Variants in PUS7 observed in about 807,000 individuals in gnomAD.
PUS7 encodes the protein pseudouridine synthase 7.
In PUS7, 48 loss-of-function variants were observed where a neutral mutation model predicts 79.8. That is an observed-to-expected ratio of 0.60 (90% CI 0.48 to 0.76). PUS7 has a LOEUF of 0.76. Among genes scored for constraint, PUS7 ranks in the 30% least tolerant of loss-of-function variants. PUS7 has a pLI of 0.00. For missense variants in PUS7, 729 were observed against 797.6 expected (o/e 0.91, Z 1.04); for synonymous variants, 286 against 272.2 (o/e 1.05, Z -0.50).
chr7:105,507,724 T>C (rs1274134089), intron 2 of PUS7, among the ~76,000 whole-genome samples: 1 of 151,772 alleles, frequency 6.6e-6, no homozygotes, highest in Non-Finnish European at 1.5e-5. Flanking sequence ...GTATTTTTAG[T>C]ATAGATGTGC....
intron 14 of PUS7, among the ~76,000 whole-genome samples, chr7:105,459,797 G>A (rs1047353342): frequency 2.0e-5 from 3 of 152,068 alleles, no homozygotes; most frequent in Non-Finnish European, 2.9e-5. Flanking sequence ...CTGGGGCCAG[G>A]CATGGTGGCT....
chr7:105,496,196 CATATATATATATATAT>C (rs1159713098), intron 5 of PUS7, among the ~76,000 whole-genome samples: 1 of 81,554 alleles, frequency 1.2e-5, no homozygotes, highest in African/African-American at 4.8e-5. Flanking sequence ...CACACACACA[CATATATATATATATAT>C]ATATATATAT....
chr7:105,475,062 G>A (rs1824033090), intron 9 of PUS7, among the ~76,000 whole-genome samples: 1 of 152,160 alleles, frequency 6.6e-6, no homozygotes, highest in Admixed American at 6.5e-5. Flanking sequence ...TTAACTGCAG[G>A]ACTTTTCAAC....
intron 14 of PUS7, among the ~76,000 whole-genome samples, chr7:105,461,201 G>A (rs948044770): frequency 3.3e-5 from 5 of 152,146 alleles, no homozygotes; most frequent in Admixed American, 6.5e-5. Context: ...CAACCAGAGC[G>A]GTGTTTGGAA....
In PUS7 at chr7:105,491,527, G is replaced by C. The variant is rs1452442342; in HGVS notation, c.920+13C>G. 6.6e-7 allele frequency: 1 copy of C among 1,525,948 alleles called. No homozygotes were observed. The highest frequency in any genetic ancestry group is 9.0e-7 in the Non-Finnish European group (1 of 1,106,612). 94.5% of individuals were successfully genotyped at this position (1,525,948 alleles called of 1,614,324 possible). On this transcript the variant is annotated intron_variant, in intron 7 of 15. Coordinates refer to ENST00000469408, the MANE Select transcript of PUS7 (RefSeq NM_019042.5). ...ATTTACAGTATAAATCCTGTTACGT[G>C]CTCTCTACTTACTTGAGAACAGCAA...
At chr7:105,510,090 C>T (rs1036024836) in intron 1 of PUS7, among the ~76,000 whole-genome samples, 7 of 152,192 alleles carry the variant, frequency 4.6e-5, no homozygotes, top group African/African-American at 1.4e-4. Context: ...CACCTGAGGT[C>T]GGGAGTTTGA....
At chr7:105,478,375 C>T (rs962862064) in intron 9 of PUS7, among the ~76,000 whole-genome samples, 1 of 152,080 alleles carries the variant, frequency 6.6e-6, no homozygotes, top group African/African-American at 2.4e-5. Flanking sequence ...ACTTTATAAC[C>T]TTTTGAGGAA....
intron 5 of PUS7, 51 bp from the exon 6 acceptor site, chr7:105,495,304 T>C (rs1420156769): frequency 3.8e-6 from 4 of 1,056,370 alleles, no homozygotes; most frequent in Non-Finnish European, 4.3e-6. Flanking sequence ...AAGTTATAGA[T>C]GTAAGAGCTC....
intron 7 of PUS7, among the ~76,000 whole-genome samples, chr7:105,485,270 C>T (rs1451236530): frequency 6.6e-6 from 1 of 152,208 alleles, no homozygotes; most frequent in African/African-American, 2.4e-5. Context: ...AGCGCAATGG[C>T]GCGATCTTGG....
chr7:105,492,566 C>T (rs1355370861), intron 6 of PUS7, among the ~76,000 whole-genome samples: 1 of 134,288 alleles, frequency 7.4e-6, no homozygotes, highest in African/African-American at 2.9e-5. Context: ...AGTGCAGTGG[C>T]GGGATCTCGG....
At chr7:105,499,430 G>A (rs548257043) in intron 5 of PUS7, among the ~76,000 whole-genome samples, 25 of 152,094 alleles carry the variant, frequency 1.6e-4, no homozygotes, top group African/African-American at 5.5e-4. Context: ...CCTATCACAT[G>A]GCAGAATTTT....
intron 5 of PUS7, among the ~76,000 whole-genome samples, chr7:105,496,194 C>CATATATATAT (rs1301915171): frequency 2.2e-5 from 2 of 91,596 alleles, no homozygotes; most frequent in Non-Finnish European, 2.0e-5. Context: ...TACACACACA[C>CATATATATAT]ACATATATAT....
intron 1 of PUS7, among the ~76,000 whole-genome samples, chr7:105,513,232 G>A (rs1344264903): frequency 6.6e-6 from 1 of 152,198 alleles, no homozygotes; most frequent in Non-Finnish European, 1.5e-5. Context: ...AGATCCTGAT[G>A]CCCTTCCAGA....
At position 105,508,952 on chromosome 7, in the gene PUS7, G is replaced by A. The variant is rs147829208; in HGVS notation, c.-32-408C>T. Among the ~76,000 whole-genome samples, 1,252 of 149,230 alleles carry A rather than the reference G, an allele frequency of 8.4e-3. 13 individuals carry two copies. The highest frequency in any genetic ancestry group is 0.03 in the African/African-American group (1,211 of 40,442). On this transcript the variant is annotated intron_variant, in intron 1 of 15. Transcript: ENST00000469408. ...TCCCAGCACTTTGGGAGGCCGAGGT[G>A]GGCGGATCACAAGGTCAGGGGTTCG...
intron 9 of PUS7, among the ~76,000 whole-genome samples, chr7:105,475,880 A>G (rs1400438889): frequency 6.6e-6 from 1 of 152,054 alleles, no homozygotes; most frequent in East Asian, 1.9e-4. Context: ...GTAAGACACC[A>G]TTCTACTTTC....
intron 1 of PUS7, among the ~76,000 whole-genome samples, chr7:105,510,848 A>C (rs367770511): frequency 1.3e-5 from 2 of 152,114 alleles, no homozygotes; most frequent in East Asian, 3.9e-4. Flanking sequence ...AAGGATAAAA[A>C]CTTTTTCTAT....
In PUS7 at chr7:105,465,326, G is replaced by A. The variant is rs2133052136; in HGVS notation, c.1614C>T (p.Tyr538=). ...CAGGGAACTTACTTTTATGCTTTGG[G>A]TAGATAACATCGAAACCAGGCAAGG... is the stretch of plus-strand genomic sequence containing the variant. ...VMPLPGFDVI[Y]PKHKIQEAYR... The change falls in exon 13 of 16, where the codon TAC becomes TAT. Residue 538 remains tyrosine, a synonymous_variant. Coordinates refer to ENST00000469408, the MANE Select transcript of PUS7 (RefSeq NM_019042.5). 1 of 1,608,958 alleles carries A rather than the reference G, an allele frequency of 6.2e-7. No individual in the cohort carries two copies. The highest frequency in any genetic ancestry group is 8.5e-7 in the Non-Finnish European group (1 of 1,175,630).
chr7:105,492,665 C>T (rs1824842518), intron 6 of PUS7, among the ~76,000 whole-genome samples: 1 of 151,566 alleles, frequency 6.6e-6, no homozygotes, highest in Admixed American at 6.6e-5. Flanking sequence ...GCCACTACGC[C>T]CGGCTAATTT....
At chr7:105,471,863 G>A (rs537582167) in intron 10 of PUS7, among the ~76,000 whole-genome samples, 2 of 143,496 alleles carry the variant, frequency 1.4e-5, no homozygotes, top group African/African-American at 2.6e-5. Context: ...AGTGAACTGA[G>A]ATCATGCCAT....
Sources: allele counts gnomAD v4.1 joint callset (sites outside exome capture counted in the v4.1 genomes callset), GRCh38; gene constraint gnomAD v4.1.1; transcripts MANE v1.5; gene names NCBI Gene and HGNC (gene_info 2026-07-23, HGNC 2026-07-21).